ALMS1: variants seen among roughly 807,000 people sequenced by gnomAD.
ALMS1 encodes the protein centrosome-associated protein ALMS1.
A neutral mutation model predicts 352.2 loss-of-function variants in ALMS1; 271 were observed. The observed-to-expected ratio is 0.77, with a 90% CI of 0.70 to 0.85. The LOEUF is 0.85. ALMS1 is among the 40% of genes least tolerant of loss of function. The pLI is 0.00. For synonymous variants in ALMS1, 1,865 were observed against 1,761.2 expected (o/e 1.06, Z -1.48); for missense variants, 5,445 against 4,870.7 (o/e 1.12, Z -3.51).
chr2:73,500,636 T>G (rs141832547), intron 10 of ALMS1, among the ~76,000 whole-genome samples: 1 of 152,284 alleles, frequency 6.6e-6, no homozygotes, highest in Non-Finnish European at 1.5e-5. Context: ...TGGGAGACCC[T>G]TCTTTCATTC....
chr2:73,414,380 A>G (rs530979953), intron 2 of ALMS1, among the ~76,000 whole-genome samples: 2 of 149,448 alleles, frequency 1.3e-5, no homozygotes, highest in Admixed American at 6.7e-5. Flanking sequence ...TAGCTTTTTT[A>G]AAAAAATATT....
At chr2:73,467,877 A>G (rs1331466669) in intron 9 of ALMS1, among the ~76,000 whole-genome samples, 1 of 151,990 alleles carries the variant, frequency 6.6e-6, no homozygotes, top group East Asian at 1.9e-4. Context: ...AAATTCAAAA[A>G]CTAATCAATG....
At chr2:73,408,859 C>CTT in intron 2 of ALMS1, 112 bp downstream of exon 2, 23 of 159,366 alleles carry the variant, frequency 1.4e-4, no homozygotes, top group South Asian at 4.2e-4. Flanking sequence ...ATTATGTTTT[C>CTT]TTGTCTTTTT....
At chr2:73,580,175 T>C (rs1023669904) in intron 16 of ALMS1, among the ~76,000 whole-genome samples, 1 of 152,196 alleles carries the variant, frequency 6.6e-6, no homozygotes, top group Non-Finnish European at 1.5e-5. Flanking sequence ...AACTCTGGGC[T>C]CAAGAAATCT....
Position 73,542,723 on chromosome 2 carries a change from G to A in ALMS1, c.9908-7544G>A, listed in dbSNP as rs187529710. The stretch of plus-strand genomic sequence containing the variant: ...CAAGCATTCCTATACACCAATAGCA[G>A]ACAAACCGAGAGCCAAATCATGAGT... On this transcript the variant is annotated intron_variant, in intron 12 of 22. Transcript: ENST00000613296. Among the ~76,000 whole-genome samples the A allele has an allele frequency of 1.9e-3, 284 of 152,110 alleles. 5 individuals carry two copies. The highest frequency in any genetic ancestry group is 4.4e-4 in the Non-Finnish European group (30 of 67,998).
intron 8 of ALMS1, 157 bp downstream of exon 8, chr2:73,454,224 T>C (rs1672012258): frequency 1.1e-6 from 1 of 901,464 alleles, no homozygotes; most frequent in Non-Finnish European, 1.3e-6. Context: ...TATTTTCCAA[T>C]AGAATTGTTA....
rs764254318 is a variant in ALMS1 at position 73,448,689 on chromosome 2, A to C, written c.2162A>C (p.Lys721Thr). The C allele has an allele frequency of 1.9e-6, 3 of 1,604,874 alleles. No individual in the cohort carries two copies. The Admixed American group carries it at 5.1e-5, about 27-fold the overall frequency. ...VLSTPHSHRE[K>T]PGIFYQQEFA... Reference sequence around the variant, plus strand: ...TCTACTCCCCACTCACATAGAGAGAAGCCTGGTATTTTTTACCAACAAGAG... The same window carrying C: ...TCTACTCCCCACTCACATAGAGAGACGCCTGGTATTTTTTACCAACAAGAG... The change falls in exon 8 of 23, where the codon AAG (lysine) becomes ACG (threonine). Residue 721 changes from lysine (K) to threonine (T), a missense_variant. Physicochemically the swap from Lys to Thr is moderately conservative, Grantham distance 78. Transcript: ENST00000613296.
In ALMS1 at chr2:73,599,301, T is replaced by A. The variant is rs1234102442; in HGVS notation, c.11548-100T>A. On this transcript the variant is annotated intron_variant, in intron 16 of 22. Coordinates refer to ENST00000613296, the MANE Select transcript of ALMS1 (RefSeq NM_001378454.1). Reference sequence around the variant, plus strand: ...TTCCTCCAAATGCATCTCAACAGTTTGAATTGGATTAGAAAGAGGACTTGT... The same window carrying A: ...TTCCTCCAAATGCATCTCAACAGTTAGAATTGGATTAGAAAGAGGACTTGT... The A allele has an allele frequency of 1.4e-5, 20 of 1,477,978 alleles. No homozygotes were observed. The Admixed American group carries it at 2.0e-4, about 15-fold the overall frequency. 91.6% of individuals were successfully genotyped at this position (1,477,978 alleles called of 1,614,324 possible). A position where few individuals can be genotyped will look rare whatever the true frequency, so the allele number is the denominator to read the frequency against.
chr2:73,408,686 T>C lies in ALMS1; in HGVS notation c.389T>C (p.Ile130Thr). The change falls in exon 2 of 23, where the codon ATT (isoleucine) becomes ACT (threonine). Residue 130 changes from isoleucine (I) to threonine (T), a missense_variant. Coordinates refer to ENST00000613296, the MANE Select transcript of ALMS1 (RefSeq NM_001378454.1). ...TATCAAGGCAATAGTAGAACACAAA[T>C]TTCTGATACTAATGTGGTCTGTTTG... ...IVYQGNSRTQ[I>T]SDTNVVCLET... is the part of the protein sequence containing the mutation. The C allele has an allele frequency of 6.2e-7, 1 of 1,613,754 alleles. No homozygotes were observed. Among genetic ancestry groups the C allele is most frequent in the Non-Finnish European group, 8.5e-7 (1 of 1,179,804 alleles).
chr2:73,484,881 T>A (rs905119550), intron 9 of ALMS1, among the ~76,000 whole-genome samples: 3 of 152,394 alleles, frequency 2.0e-5, no homozygotes, highest in Non-Finnish European at 4.4e-5. Context: ...TCTTGAGGCT[T>A]CTGCATTCTT....
intron 2 of ALMS1, among the ~76,000 whole-genome samples, chr2:73,409,406 C>T (rs1671034007): frequency 6.6e-6 from 1 of 152,064 alleles, no homozygotes; most frequent in Non-Finnish European, 1.5e-5. Flanking sequence ...AGCCACTGTG[C>T]CTGTCCTCAG....
chr2:73,520,596 T>C (rs1673656069), intron 11 of ALMS1, among the ~76,000 whole-genome samples: 1 of 152,178 alleles, frequency 6.6e-6, no homozygotes, highest in South Asian at 2.1e-4. Context: ...CAAAAAGCAT[T>C]GAGGAGCACA....
chr2:73,596,588 C>T (rs1675554025), intron 16 of ALMS1, among the ~76,000 whole-genome samples: 1 of 151,806 alleles, frequency 6.6e-6, no homozygotes, highest in South Asian at 2.1e-4. Flanking sequence ...TCTTCTGCTT[C>T]AGCCTTCCGA....
At chr2:73,600,537 CCT>C (rs1675654145) in intron 17 of ALMS1, 139 bp from the exon 18 acceptor site, 2 of 714,772 alleles carry the variant, frequency 2.8e-6, no homozygotes, top group Non-Finnish European at 4.5e-6. Flanking sequence ...TCTTTCTCTT[CCT>C]CTCTCTTCGC....
At chr2:73,573,452 A>G (rs757448099) in intron 16 of ALMS1, 28 bp downstream of exon 16, 10 of 1,611,210 alleles carry the variant, frequency 6.2e-6, no homozygotes, top group South Asian at 4.4e-5. Flanking sequence ...CCATCTGGCA[A>G]TGTGACTGCC....
Position 73,432,294 on chromosome 2 carries a change from A to G in ALMS1, c.1432+3A>G. ...GGCTCCTAAACATTTAAAAGCAGGT[A>G]CGTAGAAAAAGGAGATAGTAAATGT... On this transcript the variant is annotated splice_donor_region_variant and intron_variant, in intron 7 of 22. Coordinates refer to ENST00000613296, the MANE Select transcript of ALMS1 (RefSeq NM_001378454.1). 1 of 1,602,774 alleles carries G rather than the reference A, an allele frequency of 6.2e-7. No individual in the cohort carries two copies. The highest frequency in any genetic ancestry group is 8.5e-7 in the Non-Finnish European group (1 of 1,169,942).
chr2:73,406,791 A>G (rs929675934), intron 1 of ALMS1, among the ~76,000 whole-genome samples: 3 of 152,058 alleles, frequency 2.0e-5, no homozygotes, highest in South Asian at 4.2e-4. Context: ...ATGCCTGACT[A>G]ATGTTTACAT....
chr2:73,471,493 C>CAAAAAAAAA (rs58688820), intron 9 of ALMS1, among the ~76,000 whole-genome samples: 1 of 113,630 alleles, frequency 8.8e-6, no homozygotes, highest in African/African-American at 3.8e-5. Flanking sequence ...ACTCAACAGC[C>CAAAAAAAAA]AAAAAAAAAA....
intron 9 of ALMS1, among the ~76,000 whole-genome samples, chr2:73,471,349 T>C (rs533518181): frequency 1.8e-3 from 265 of 151,344 alleles, no homozygotes; most frequent in African/African-American, 6.2e-3. Flanking sequence ...GGACTGCATC[T>C]AATTAAAAAG....
Sources: allele counts gnomAD v4.1 joint callset (sites outside exome capture counted in the v4.1 genomes callset), GRCh38; gene constraint gnomAD v4.1.1; transcripts MANE v1.5; gene names NCBI Gene and HGNC (gene_info 2026-07-23, HGNC 2026-07-21).